The following KCNQ1 variants were observed in gnomAD, a reference collection of about 807,000 sequenced individuals.
KCNQ1 encodes the protein potassium voltage-gated channel subfamily KQT member 1.
In KCNQ1, 49 loss-of-function variants were observed where a neutral mutation model predicts 72.4. That is an observed-to-expected ratio of 0.68 (90% CI 0.54 to 0.86). The LOEUF is 0.86. Ranked by LOEUF, KCNQ1 falls within the 40% of genes least tolerant of loss-of-function variation. The pLI is 0.00. For missense variants in KCNQ1, 790 were observed against 945.1 expected (o/e 0.84, Z 2.15); for synonymous variants, 450 against 412.6 (o/e 1.09, Z -1.10).
chr11:2,685,640 G>C (rs1042707751), intron 11 of KCNQ1: 4 of 398,598 alleles, frequency 1.0e-5, no homozygotes, highest in African/African-American at 8.2e-5. Flanking sequence ...AGGGTTGAGG[G>C]GACAAGCCCA....
chr11:2,532,473 G>A (rs179435), intron 2 of KCNQ1, among the ~76,000 whole-genome samples: 110,565 of 152,138 alleles, frequency 0.73, 40,703 homozygotes, highest in Non-Finnish European at 0.79. Flanking sequence ...TGAGGGTCCA[G>A]CTGTCACTCA....
At chr11:2,798,500 C>A (rs890590149) in intron 15 of KCNQ1, among the ~76,000 whole-genome samples, 1 of 151,164 alleles carries the variant, frequency 6.6e-6, no homozygotes, top group Non-Finnish European at 1.5e-5. Flanking sequence ...CAGCAGCAGA[C>A]GTTTTTAAAC....
Position 2,627,694 on chromosome 11 carries a change from A to C in KCNQ1, c.1394-34267A>C, listed in dbSNP as rs899417758. On this transcript the variant is annotated intron_variant, in intron 10 of 15. Transcript: ENST00000155840. This position sits in a 1 kb window ranked among gnomAD's most constrained non-coding sequence, Gnocchi z 4.9. ...TATATATGTGTGTGTGTGTGTCTGT[A>C]TGTATATGTATGTGATGTGTTTATT... 1 of 398,158 alleles carries C rather than the reference A, an allele frequency of 2.5e-6. No homozygotes were observed. The highest frequency in any genetic ancestry group is 2.1e-5 in the African/African-American group (1 of 48,496). 24.7% of individuals were successfully genotyped at this position (398,158 alleles called of 1,614,324 possible). A position where few individuals can be genotyped will look rare whatever the true frequency, so the allele number is the denominator to read the frequency against.
chr11:2,516,706 G>A lies in KCNQ1; in HGVS notation c.387-11222G>A, dbSNP rs1269947531. Among the ~76,000 whole-genome samples, 3 of 152,224 alleles carry A rather than the reference G, an allele frequency of 2.0e-5. No individual in the cohort carries two copies. Among genetic ancestry groups the A allele is most frequent in the East Asian group, 1.9e-4 (1 of 5,174 alleles). ...GCTACGGCCACCACCTGATTTTGTC[G>A]ATAAAGTTTTATTAGGACACAGCCA... On this transcript the variant is annotated intron_variant, in intron 1 of 15. Coordinates refer to ENST00000155840, the MANE Select transcript of KCNQ1 (RefSeq NM_000218.3). The surrounding 1 kb of genome is among the most constrained non-coding windows in gnomAD (Gnocchi z 7.0).
rs184817311 is a variant in KCNQ1, at chr11:2,455,319, T to C, written c.386+9835T>C. ...TTCACCGTGTTAGCCAGGATGGTCT[T>C]GATCTCCTGACCTTGTGATCCACCC... On this transcript the variant is annotated intron_variant, in intron 1 of 15. Coordinates refer to ENST00000155840, the MANE Select transcript of KCNQ1 (RefSeq NM_000218.3). Among the ~76,000 whole-genome samples the C allele has an allele frequency of 4.8e-3, 689 of 144,822 alleles. 3 individuals are homozygous for C. Among genetic ancestry groups the C allele is most frequent in the African/African-American group, 0.011 (378 of 34,864 alleles).
In KCNQ1 at chr11:2,781,637, C is replaced by G. The variant is rs1362687552; in HGVS notation, c.1794+3600C>G. Among the ~76,000 whole-genome samples the G allele has an allele frequency of 6.6e-6, 1 of 152,236 alleles. No homozygotes were observed. The highest frequency in any genetic ancestry group is 1.5e-5 in the Non-Finnish European group (1 of 68,036). The stretch of plus-strand genomic sequence containing the variant: ...GGCAGAGGCCGCTCCAGCCCTCCTC[C>G]CCCAGCAAGTATTCTTAGCTTGGTC... On this transcript the variant is annotated intron_variant, in intron 15 of 15. Coordinates refer to ENST00000155840, the MANE Select transcript of KCNQ1 (RefSeq NM_000218.3). This position sits in a 1 kb window ranked among gnomAD's most constrained non-coding sequence, Gnocchi z 6.6.
At chr11:2,799,373 C>T (rs949723870) in intron 15 of KCNQ1, among the ~76,000 whole-genome samples, 21 of 124,730 alleles carry the variant, frequency 1.7e-4, no homozygotes, top group Admixed American at 1.1e-3. Context: ...GCTGTAAGTT[C>T]GAGTGTGTGT....
At chr11:2,649,315 G>T (rs1267396435) in intron 10 of KCNQ1, 4 of 397,738 alleles carry the variant, frequency 1.0e-5, no homozygotes, top group Non-Finnish European at 1.8e-5. Context: ...GCAATTTTTT[G>T]GTTTTCTGTA....
At chr11:2,596,148 A>G (rs1053708491) in intron 10 of KCNQ1, among the ~76,000 whole-genome samples, 1 of 152,238 alleles carries the variant, frequency 6.6e-6, no homozygotes, top group Non-Finnish European at 1.5e-5. Context: ...CCCAATTATT[A>G]TATTATATAA....
At position 2,541,162 on chromosome 11, in the gene KCNQ1, G is replaced by A. The variant is rs1249790140; in HGVS notation, c.477+13144G>A. ...GGGAGAGAGACCCCCTTGGGGCCGC[G>A]TTCCATTTGCACATTTAATCCAGAA... On this transcript the variant is annotated intron_variant, in intron 2 of 15. Coordinates refer to ENST00000155840, the MANE Select transcript of KCNQ1 (RefSeq NM_000218.3). This position sits in a 1 kb window ranked among gnomAD's most constrained non-coding sequence, Gnocchi z 4.8. Among the ~76,000 whole-genome samples, 1 of 152,218 alleles carries A rather than the reference G, an allele frequency of 6.6e-6. No individual in the cohort carries two copies. Among genetic ancestry groups the A allele is most frequent in the Non-Finnish European group, 1.5e-5 (1 of 68,042 alleles).
intron 10 of KCNQ1, chr11:2,655,333 A>G: frequency 2.5e-6 from 1 of 398,656 alleles, no homozygotes. Context: ...AAGCAAAGGC[A>G]GCCAAAGAAT....
At chr11:2,503,703 A>G (rs748125028) in intron 1 of KCNQ1, among the ~76,000 whole-genome samples, 7 of 151,636 alleles carry the variant, frequency 4.6e-5, no homozygotes, top group African/African-American at 7.3e-5. Flanking sequence ...TAATAAAAAA[A>G]CAAATGACAA....
intron 1 of KCNQ1, among the ~76,000 whole-genome samples, chr11:2,476,509 A>G (rs1193102733): frequency 1.3e-5 from 2 of 152,218 alleles, no homozygotes; most frequent in African/African-American, 4.8e-5. Context: ...AATGTAAATA[A>G]GAGATAAGAA....
rs573364163 is a variant in KCNQ1 at position 2,593,710 on chromosome 11, T to C, written c.1393+4856T>C. On this transcript the variant is annotated intron_variant, in intron 10 of 15. Transcript: ENST00000155840. The surrounding 1 kb of genome is among the most constrained non-coding windows in gnomAD (Gnocchi z 6.9). Reference sequence around the variant, plus strand: ...ATGGAACAGCCTCACCTCTCACTTCTGCACTTGTGAGCCTGGTTCTCACAG... The same window carrying C: ...ATGGAACAGCCTCACCTCTCACTTCCGCACTTGTGAGCCTGGTTCTCACAG... 6.0e-4 allele frequency among the ~76,000 whole-genome samples: 91 copies of C among 152,334 alleles called. No individual in the cohort carries two copies. The highest frequency in any genetic ancestry group is 2.2e-3 in the African/African-American group (90 of 41,584).
intron 15 of KCNQ1, among the ~76,000 whole-genome samples, chr11:2,806,000 G>C (rs1847364490): frequency 6.6e-6 from 1 of 152,174 alleles, no homozygotes; most frequent in Non-Finnish European, 1.5e-5. Flanking sequence ...CGGGATGTTG[G>C]TTCTTGTTAT....
rs962964223 is a variant in KCNQ1 at position 2,713,875 on chromosome 11, C to T, written c.1514+51794C>T. ...GCTTCCAGATGGGCAAACGCGCGCT[C>T]GGAGCCTGGCCCTGCAGACACGATG... On this transcript the variant is annotated intron_variant, in intron 11 of 15. Transcript: ENST00000155840. This position sits in a 1 kb window ranked among gnomAD's most constrained non-coding sequence, Gnocchi z 5.6. Among the ~76,000 whole-genome samples the T allele has an allele frequency of 2.6e-5, 4 of 152,226 alleles. No individual in the cohort carries two copies. The highest frequency in any genetic ancestry group is 4.4e-5 in the Non-Finnish European group (3 of 68,030).
rs1050274835 is a variant in KCNQ1, at chr11:2,713,000, C to T, written c.1514+50919C>T. ...CTGGTAAGTATGAGGAACCAGAGAC[C>T]TGGTAAGTATGAGGAACCACCCCTT... On this transcript the variant is annotated intron_variant, in intron 11 of 15. Transcript: ENST00000155840. This position sits in a 1 kb window ranked among gnomAD's most constrained non-coding sequence, Gnocchi z 6.4. Among the ~76,000 whole-genome samples the T allele has an allele frequency of 1.3e-5, 2 of 152,112 alleles. No homozygotes were observed. The highest frequency in any genetic ancestry group is 1.3e-4 in the Admixed American group (2 of 15,272).
chr11:2,515,617 C>A lies in KCNQ1; in HGVS notation c.387-12311C>A, dbSNP rs1471208903. Among the ~76,000 whole-genome samples the A allele has an allele frequency of 1.3e-5, 2 of 152,154 alleles. No homozygotes were observed. Among genetic ancestry groups the A allele is most frequent in the Non-Finnish European group, 2.9e-5 (2 of 68,006 alleles). Reference sequence around the variant, plus strand: ...GCACAGGTGCATCTGGTCTGCCCAGCCCCTCCTCACCCTAGGCAGGCCTCT... The same window carrying A: ...GCACAGGTGCATCTGGTCTGCCCAGACCCTCCTCACCCTAGGCAGGCCTCT... On this transcript the variant is annotated intron_variant, in intron 1 of 15. Coordinates refer to ENST00000155840, the MANE Select transcript of KCNQ1 (RefSeq NM_000218.3). This position sits in a 1 kb window ranked among gnomAD's most constrained non-coding sequence, Gnocchi z 4.7.
rs1276889402 is a variant in KCNQ1, at chr11:2,761,269, C to CGGTGCCTGTT, written c.1515-7565_1515-7556dup. ...TCCGGTCAATGGTCTGCCGGCCTGT[C>CGGTGCCTGTT]GGTGCCTGTTGGTGCCTGTCGGTGT... On this transcript the variant is annotated intron_variant, in intron 11 of 15. Coordinates refer to ENST00000155840, the MANE Select transcript of KCNQ1 (RefSeq NM_000218.3). Among the ~76,000 whole-genome samples the CGGTGCCTGTT allele has an allele frequency of 1.1e-4, 12 of 110,920 alleles. No individual in the cohort carries two copies. In the East Asian group the frequency reaches 1.5e-3, roughly 14 times the overall value. 72.8% of individuals were successfully genotyped at this position (110,920 alleles called of 152,430 possible). A position where few individuals can be genotyped will look rare whatever the true frequency, so the allele number is the denominator to read the frequency against.
Sources: gnomAD v4.1 joint callset for allele counts (sites outside exome capture counted in the v4.1 genomes callset) on GRCh38, gnomAD v4.1.1 for gene constraint, Gnocchi (gnomAD v3.1) non-coding constraint, MANE v1.5 for transcripts, NCBI Gene and HGNC (gene_info 2026-07-23, HGNC 2026-07-21) for gene names.